KIF6: variants seen among roughly 807,000 people sequenced by gnomAD.
KIF6 encodes kinesin-like protein KIF6.
In KIF6, 106 loss-of-function variants were observed where a neutral mutation model predicts 112.7. That is an observed-to-expected ratio of 0.94 (90% CI 0.80 to 1.11). The LOEUF (loss-of-function observed/expected upper bound fraction) is 1.11, where lower values mean the gene tolerates loss of function less well. KIF6 is among the 50% of genes least tolerant of loss of function. The pLI, the probability that KIF6 is intolerant of heterozygous loss-of-function variation, is 0.00. For synonymous variants in KIF6, 339 were observed against 339.9 expected, an observed-to-expected ratio of 1.00 and a Z score of 0.03; for missense variants, 929 against 964.0, an observed-to-expected ratio of 0.96 and a Z score of 0.48.
chr6:39,658,800 C>T (rs948715479), intron 3 of KIF6, among the ~76,000 whole-genome samples: 1 of 152,296 alleles, frequency 6.6e-6, no homozygotes, highest in East Asian at 1.9e-4. Flanking sequence ...GGTCTTCACA[C>T]AGGGGGCAGT....
At chr6:39,443,636 G>T (rs1772108308) in intron 13 of KIF6, among the ~76,000 whole-genome samples, 1 of 151,982 alleles carries the variant, frequency 6.6e-6, no homozygotes, top group Non-Finnish European at 1.5e-5. Context: ...TAGCGATGGG[G>T]TTTCGCCATG....
At position 39,720,662 on chromosome 6, in the gene KIF6, T is replaced by A. The variant is rs552410302; in HGVS notation, c.176+40A>T. On this transcript the variant is annotated intron_variant, in intron 2 of 22. Coordinates refer to ENST00000287152, the MANE Select transcript of KIF6 (RefSeq NM_145027.6). ...TAATGCAGTACAAGAGTTAGTTCAA[T>A]AATGAAACAGAAATGAAAAAAGGAG... The A allele has an allele frequency of 3.9e-6, 4 of 1,037,430 alleles. No individual in the cohort carries two copies. The South Asian group carries it at 5.1e-5, about 13-fold the overall frequency. The allele number at this position is 1,037,430 out of a possible 1,614,324, so 64.3% of individuals were successfully genotyped here. A position where few individuals can be genotyped will look rare whatever the true frequency, so the allele number is the denominator to read the frequency against.
intron 5 of KIF6, among the ~76,000 whole-genome samples, chr6:39,618,461 T>C (rs1783645643): frequency 6.6e-6 from 1 of 152,074 alleles, no homozygotes; most frequent in South Asian, 2.1e-4. Flanking sequence ...GGAAAGAAGG[T>C]TGGACACGCT....
chr6:39,363,840 G>A (rs1424845468), intron 16 of KIF6, among the ~76,000 whole-genome samples: 10 of 152,202 alleles, frequency 6.6e-5, no homozygotes, highest in Admixed American at 2.6e-4. Flanking sequence ...AAAATCCCTC[G>A]TATAACATTT....
At chr6:39,617,277 A>C (rs994612364) in intron 5 of KIF6, among the ~76,000 whole-genome samples, 4 of 152,192 alleles carry the variant, frequency 2.6e-5, no homozygotes, top group Admixed American at 2.6e-4. Flanking sequence ...CATTTGGCTA[A>C]GTAGTTGGAA....
intron 3 of KIF6, among the ~76,000 whole-genome samples, chr6:39,704,618 T>A (rs1447343843): frequency 1.4e-4 from 20 of 144,022 alleles, no homozygotes; most frequent in African/African-American, 4.3e-4. Flanking sequence ...ACTCCGTCTT[T>A]AAAAAAAAAA....
intron 13 of KIF6, among the ~76,000 whole-genome samples, chr6:39,511,417 G>GT (rs1372228876): frequency 2.0e-5 from 3 of 152,184 alleles, no homozygotes; most frequent in African/African-American, 7.2e-5. Flanking sequence ...AGTTAGAATG[G>GT]TGACCATTAA....
chr6:39,422,346 C>T (rs943241673), intron 14 of KIF6, among the ~76,000 whole-genome samples: 5 of 152,198 alleles, frequency 3.3e-5, no homozygotes, highest in Admixed American at 2.6e-4. Context: ...GGTCAACTCT[C>T]TCCAAAGAGC....
intron 13 of KIF6, among the ~76,000 whole-genome samples, chr6:39,503,657 C>T (rs1562270074): frequency 6.6e-6 from 1 of 151,672 alleles, no homozygotes; most frequent in African/African-American, 2.4e-5. Context: ...ACCACTGACC[C>T]CACAGAAATA....
At chr6:39,609,122 A>C (rs1783055717) in intron 6 of KIF6, among the ~76,000 whole-genome samples, 1 of 152,182 alleles carries the variant, frequency 6.6e-6, no homozygotes, top group African/African-American at 2.4e-5. Context: ...GGTAGAAAAG[A>C]AGGTCTCCAA....
At chr6:39,703,581 G>T (rs1481717227) in intron 3 of KIF6, among the ~76,000 whole-genome samples, 6 of 152,228 alleles carry the variant, frequency 3.9e-5, no homozygotes, top group African/African-American at 1.4e-4. Context: ...TATTTAGCAA[G>T]AATTACACTA....
chr6:39,428,293 A>G (rs1770906295), intron 14 of KIF6, among the ~76,000 whole-genome samples: 1 of 152,218 alleles, frequency 6.6e-6, no homozygotes, highest in African/African-American at 2.4e-5. Context: ...CCTCTCGTAT[A>G]GACATGGCTG....
chr6:39,591,108 G>T lies in KIF6; in HGVS notation c.847-4704C>A, dbSNP rs546924991. Among the ~76,000 whole-genome samples, 120 of 152,170 alleles carry T rather than the reference G, an allele frequency of 7.9e-4. 1 individual carries two copies. The highest frequency in any genetic ancestry group is 3.4e-3 in the Middle Eastern group (1 of 294). ...CTGAGGTTCAGTAGGCATGAGCGTGGGTCCTGGGCCCATCCTTGAACTAAT... is the reference window on the plus strand; with the variant it reads ...CTGAGGTTCAGTAGGCATGAGCGTGTGTCCTGGGCCCATCCTTGAACTAAT... On this transcript the variant is annotated intron_variant, in intron 7 of 22. Coordinates refer to ENST00000287152, the MANE Select transcript of KIF6 (RefSeq NM_145027.6).
chr6:39,436,839 G>A (rs1771565429), intron 13 of KIF6, among the ~76,000 whole-genome samples: 1 of 152,040 alleles, frequency 6.6e-6, no homozygotes, highest in African/African-American at 2.4e-5. Flanking sequence ...GGATTGCTTT[G>A]GCTATTCAGG....
At chr6:39,442,591 A>AGCAC (rs2150396831) in intron 13 of KIF6, among the ~76,000 whole-genome samples, 1 of 152,322 alleles carries the variant, frequency 6.6e-6, no homozygotes, top group African/African-American at 2.4e-5. Flanking sequence ...TAAATAAGAC[A>AGCAC]GCACGCTGTG....
At chr6:39,711,072 A>C (rs928907576) in intron 3 of KIF6, among the ~76,000 whole-genome samples, 3 of 150,376 alleles carry the variant, frequency 2.0e-5, no homozygotes, top group Non-Finnish European at 4.4e-5. Context: ...ATAAATAAAA[A>C]TGAGATCACT....
intron 15 of KIF6, among the ~76,000 whole-genome samples, chr6:39,408,945 G>A (rs147223469): frequency 6.6e-6 from 1 of 152,090 alleles, no homozygotes; most frequent in South Asian, 2.1e-4. Context: ...GACTAACTTA[G>A]TCCTCTTCCC....
At chr6:39,716,714 G>C (rs552655527) in intron 2 of KIF6, among the ~76,000 whole-genome samples, 192 of 152,270 alleles carry the variant, frequency 1.3e-3, no homozygotes, top group African/African-American at 4.1e-3. Context: ...TAGGTTTCCT[G>C]ATTCTTAGGA....
rs1969744 is a variant in KIF6 at position 39,331,548 on chromosome 6, C to G, written c.*4984G>C. 6.6e-6 allele frequency: 1 copy of G among 152,042 alleles called. No homozygotes were observed. The highest frequency in any genetic ancestry group is 2.1e-4 in the South Asian group (1 of 4,820). The allele number at this position is 152,042 out of a possible 1,614,324, so 9.4% of individuals were successfully genotyped here. ...TACAGGTGCGCACCACCACACCCAG[C>G]TAATTTTTGTATTTTTAGTAGCGAT... is the stretch of plus-strand genomic sequence containing the variant. On this transcript the variant is annotated 3_prime_UTR_variant, in exon 23 of 23. Coordinates refer to ENST00000287152, the MANE Select transcript of KIF6 (RefSeq NM_145027.6).
Sources: gnomAD v4.1 joint callset for allele counts (sites outside exome capture counted in the v4.1 genomes callset) on GRCh38, gnomAD v4.1.1 for gene constraint, MANE v1.5 for transcripts, NCBI Gene and HGNC (gene_info 2026-07-23, HGNC 2026-07-21) for gene names.